ADGRL4: variants seen among roughly 807,000 people sequenced by gnomAD.
ADGRL4 encodes EGF, latrophilin and seven transmembrane domain containing 1.
ADGRL4 carries 90 observed loss-of-function variants against 74.8 expected under a neutral mutation model. The observed-to-expected ratio is 1.20, with a 90% CI of 1.02 to 1.43. The LOEUF is 1.43. ADGRL4 is among the 40% of genes most tolerant of loss of function. ADGRL4 has a pLI of 0.00. For missense variants in ADGRL4, 881 were observed against 814.3 expected, an observed-to-expected ratio of 1.08 and a Z score of -1.00; for synonymous variants, 311 against 279.2, an observed-to-expected ratio of 1.11 and a Z score of -1.14.
chr1:78,971,412 C>A (rs1236192969), intron 2 of ADGRL4, among the ~76,000 whole-genome samples: 2 of 152,012 alleles, frequency 1.3e-5, no homozygotes, highest in African/African-American at 4.8e-5. Flanking sequence ...CCTGGAAGAA[C>A]CTCAGATGAC....
chr1:78,940,155 T>C (rs926697559), intron 3 of ADGRL4, among the ~76,000 whole-genome samples: 11 of 152,142 alleles, frequency 7.2e-5, no homozygotes, highest in African/African-American at 2.4e-4. Context: ...AACTTATTTG[T>C]TTTCTAGTAT....
At chr1:78,921,480 G>T (rs891841323) in intron 9 of ADGRL4, 133 bp downstream of exon 9, 1 of 458,500 alleles carries the variant, frequency 2.2e-6, no homozygotes, top group Non-Finnish European at 3.7e-6. Flanking sequence ...TCCTGTTGGG[G>T]TTTTATCTCT....
intron 3 of ADGRL4, among the ~76,000 whole-genome samples, chr1:78,944,145 G>A (rs962374586): frequency 4.6e-5 from 7 of 152,242 alleles, no homozygotes; most frequent in South Asian, 2.1e-4. Context: ...AACATGAACC[G>A]AGAAATGTAG....
chr1:78,970,076 A>T lies in ADGRL4; in HGVS notation c.173-23650T>A, dbSNP rs752788330. ...GCAAGCGTAACTGCAGCTACCAGTTATCTGGGTGTGTCACAAGACATCCTT... is the reference window on the plus strand; with the variant it reads ...GCAAGCGTAACTGCAGCTACCAGTTTTCTGGGTGTGTCACAAGACATCCTT... On this transcript the variant is annotated intron_variant, in intron 2 of 14. Transcript: ENST00000370742. Among the ~76,000 whole-genome samples, 142 of 152,320 alleles carry T rather than the reference A, an allele frequency of 9.3e-4. 1 individual carries two copies. Among genetic ancestry groups the T allele is most frequent in the Non-Finnish European group, 9.3e-4 (63 of 68,022 alleles).
chr1:78,926,197 A>C (rs1002185193), intron 8 of ADGRL4, among the ~76,000 whole-genome samples: 1 of 152,088 alleles, frequency 6.6e-6, no homozygotes, highest in Non-Finnish European at 1.5e-5. Context: ...TGGAACTTCG[A>C]AAGTACTCGA....
At chr1:78,999,737 G>A (rs189852627) in intron 2 of ADGRL4, among the ~76,000 whole-genome samples, 1 of 151,912 alleles carries the variant, frequency 6.6e-6, no homozygotes, top group East Asian at 1.9e-4. Context: ...AATTTTTATT[G>A]TCATTGATCC....
At chr1:78,939,101 T>C (rs781120944) in intron 4 of ADGRL4, 87 bp downstream of exon 4, 1 of 1,405,676 alleles carries the variant, frequency 7.1e-7, no homozygotes, top group Non-Finnish European at 9.4e-7. Flanking sequence ...GACTACTGTT[T>C]ACTCTTCTTG....
Position 78,936,315 on chromosome 1 carries a change from T to G in ADGRL4, c.857A>C (p.Lys286Thr), listed in dbSNP as rs1412536473. ...GDYINIFPKRKAAYDSNGNVA... is the reference protein window; with the variant it reads ...GDYINIFPKRTAAYDSNGNVA... ...CCTACCATTTGAATCATATGCAGCTTTTCTCTTTGGAAATATATTTATGTA... is the reference window on the plus strand; with the variant it reads ...CCTACCATTTGAATCATATGCAGCTGTTCTCTTTGGAAATATATTTATGTA... Residue 286 changes from lysine (K) to threonine (T), a missense_variant, in exon 7 of 15, where the codon AAA (lysine) becomes ACA (threonine). Lys to Thr is a moderately conservative substitution (Grantham distance 78, BLOSUM62 -1). Coordinates refer to ENST00000370742, the MANE Select transcript of ADGRL4 (RefSeq NM_022159.4). 2 of 1,595,120 alleles carry G rather than the reference T, an allele frequency of 1.3e-6. No individual in the cohort carries two copies. Among genetic ancestry groups the G allele is most frequent in the African/African-American group, 1.4e-5 (1 of 73,578 alleles).
chr1:78,958,751 G>A (rs1277762151), intron 2 of ADGRL4, among the ~76,000 whole-genome samples: 1 of 152,192 alleles, frequency 6.6e-6, no homozygotes, highest in Non-Finnish European at 1.5e-5. Context: ...GCAACAGCAG[G>A]GTTTGAGAGG....
chr1:78,983,852 A>G (rs1650442820), intron 2 of ADGRL4, among the ~76,000 whole-genome samples: 1 of 151,834 alleles, frequency 6.6e-6, no homozygotes, highest in Non-Finnish European at 1.5e-5. Context: ...ACATGAGGAC[A>G]CTTTAAACAG....
At chr1:78,909,583 C>T (rs1336231057) in intron 12 of ADGRL4, among the ~76,000 whole-genome samples, 3 of 151,888 alleles carry the variant, frequency 2.0e-5, no homozygotes, top group Non-Finnish European at 4.4e-5. Flanking sequence ...CCTAGTTTAT[C>T]ACAATGCTTT....
rs1291215740 is a variant in ADGRL4, at chr1:78,917,612, TAAC to T, written c.1749+19_1749+21del. On this transcript the variant is annotated intron_variant, in intron 12 of 14. Transcript: ENST00000370742. ...TGATCATCACTTTTTTGAATTGTAA[TAAC>T]AATTTTATATATACATACAAGAATG... 6.8e-7 allele frequency: 1 copy of T among 1,471,016 alleles called. No homozygotes were observed. The highest frequency in any genetic ancestry group is 1.5e-5 in the African/African-American group (1 of 65,808). The allele number at this position is 1,471,016 out of a possible 1,614,324, so 91.1% of individuals were successfully genotyped here. A position where few individuals can be genotyped will look rare whatever the true frequency, so the allele number is the denominator to read the frequency against.
chr1:78,891,274 C>G (rs1417620088), intron 14 of ADGRL4, 58 bp from the exon 15 acceptor site: 1 of 1,506,376 alleles, frequency 6.6e-7, no homozygotes. Context: ...CATTTAATTT[C>G]TTTTTCAAAT....
Position 78,926,909 on chromosome 1 carries a change from T to C in ADGRL4, c.1060A>G (p.Thr354Ala). The C allele has an allele frequency of 1.2e-6, 2 of 1,611,664 alleles. No homozygotes were observed. The highest frequency in any genetic ancestry group is 1.1e-5 in the South Asian group (1 of 90,996). Residue 354 changes from threonine to alanine, a missense_variant, in exon 8 of 15, where the codon ACA (threonine) becomes GCA (alanine). By Grantham distance (58) the Thr-to-Ala change is moderately conservative (BLOSUM62 0). Coordinates refer to ENST00000370742, the MANE Select transcript of ADGRL4 (RefSeq NM_022159.4). ...PPTLYELEKI[T>A]FTLSHRKVTD... ...ACCTTTCGATGACTTAATGTAAATGTTATTTTTTCAAGTTCATATAATGTG... is the reference window on the plus strand; with the variant it reads ...ACCTTTCGATGACTTAATGTAAATGCTATTTTTTCAAGTTCATATAATGTG...
intron 2 of ADGRL4, 61 bp from the exon 3 acceptor site, chr1:78,946,487 T>C: frequency 7.1e-7 from 1 of 1,411,824 alleles, no homozygotes; most frequent in South Asian, 1.4e-5. Context: ...TTGACTATTT[T>C]CCATCAGTAT....
rs974031217 is a variant in ADGRL4, at chr1:78,982,346, A to C, written c.172+22724T>G. ...GGAAACCAAAGGAAATGAGCTGATA[A>C]TAGATCAAGTGAGATGTTTTTTACT... On this transcript the variant is annotated intron_variant, in intron 2 of 14. Transcript: ENST00000370742. Among the ~76,000 whole-genome samples, 165 of 152,064 alleles carry C rather than the reference A, an allele frequency of 1.1e-3. 1 individual carries two copies. The highest frequency in any genetic ancestry group is 3.8e-3 in the African/African-American group (159 of 41,548).
intron 12 of ADGRL4, among the ~76,000 whole-genome samples, chr1:78,909,682 A>G (rs1469902503): frequency 6.6e-6 from 1 of 151,910 alleles, no homozygotes; most frequent in Non-Finnish European, 1.5e-5. Flanking sequence ...TGTCAGAAAG[A>G]GAACACTCTC....
At chr1:78,969,850 G>A (rs2130193) in intron 2 of ADGRL4, among the ~76,000 whole-genome samples, 104,272 of 151,898 alleles carry the variant, frequency 0.69, 35,910 homozygotes, top group East Asian at 0.78. Flanking sequence ...CCAACCATCA[G>A]CTTCCAGCTG....
chr1:78,931,153 A>C (rs896822300), intron 7 of ADGRL4, among the ~76,000 whole-genome samples: 1 of 151,300 alleles, frequency 6.6e-6, no homozygotes, highest in African/African-American at 2.5e-5. Flanking sequence ...GCCAAAATTA[A>C]GGAAAAAATG....
Sources: gnomAD v4.1 joint callset for allele counts (sites outside exome capture counted in the v4.1 genomes callset) on GRCh38, gnomAD v4.1.1 for gene constraint, MANE v1.5 for transcripts, NCBI Gene and HGNC (gene_info 2026-07-23, HGNC 2026-07-21) for gene names.